Variants in LRBA observed in about 807,000 individuals in gnomAD.
LRBA encodes the protein lipopolysaccharide-responsive and beige-like anchor protein.
A neutral mutation model predicts 330.0 loss-of-function variants in LRBA; 176 were observed. The observed-to-expected ratio is 0.53, with a 90% confidence interval of 0.47 to 0.60. The LOEUF (loss-of-function observed/expected upper bound fraction) is 0.60. Ranked by LOEUF, LRBA falls within the 20% of genes least tolerant of loss-of-function variation. The pLI, the probability that LRBA is intolerant of heterozygous loss-of-function variation, is 0.00. For synonymous variants in LRBA, 1,230 were observed against 1,193.0 expected, an observed-to-expected ratio of 1.03 and a Z score of -0.64; for missense variants, 3,259 against 3,444.8, an observed-to-expected ratio of 0.95 and a Z score of 1.35.
Position 150,683,708 on chromosome 4 carries a change from C to T in LRBA, c.5764G>A (p.Ala1922Thr). The change falls in exon 37 of 57, where the codon GCC becomes ACC. Residue 1922 changes from alanine (A) to threonine (T), a missense_variant. Transcript: ENST00000651943. ...TCTCGTTTGTCTGCAGAATACTGGG[C>T]ACACAGTGACTTGGAGAGAAAAAAA... The part of the protein sequence containing the change: ...HRHAEFESLC[A>T]QYSADKREDE... The T allele has an allele frequency of 1.2e-6, 2 of 1,604,716 alleles. No individual in the cohort carries two copies. Among genetic ancestry groups the T allele is most frequent in the South Asian group, 1.1e-5 (1 of 89,222 alleles).
In LRBA at chr4:150,831,961, C is replaced by A; in HGVS notation, c.4585G>T (p.Ala1529Ser). The A allele has an allele frequency of 6.6e-7, 1 of 1,520,422 alleles. No homozygotes were observed. Among genetic ancestry groups the A allele is most frequent in the Admixed American group, 2.0e-5 (1 of 50,532 alleles). 94.2% of individuals were successfully genotyped at this position (1,520,422 alleles called of 1,614,324 possible). The change falls in exon 29 of 57, where the codon GCT becomes TCT. Residue 1529 changes from alanine (A) to serine (S), a missense_variant. Physicochemically the swap from Ala to Ser is moderately conservative, Grantham distance 99. Transcript: ENST00000651943. ...ACTACTGCCAAGGCTAAAAATTGAG[C>A]TTGTTTGCTATCCTCCTGGGAAAAA... Reference protein sequence around the residue: ...VFRDIEDSKQAQFLALAVVYF... With the variant: ...VFRDIEDSKQSQFLALAVVYF...
chr4:150,474,904 A>G (rs989755061), intron 42 of LRBA, among the ~76,000 whole-genome samples: 1 of 152,192 alleles, frequency 6.6e-6, no homozygotes, highest in Non-Finnish European at 1.5e-5. Flanking sequence ...AACATTAAGT[A>G]TGATGTACGT....
chr4:150,831,819 G>C lies in LRBA; in HGVS notation c.4727C>G (p.Ser1576Cys). The change falls in exon 29 of 57, where the codon TCT becomes TGT. Residue 1576 changes from serine to cysteine, a missense_variant and splice_region_variant. By Grantham distance (112) the Ser-to-Cys change is moderately radical. Transcript: ENST00000651943. The part of the protein sequence containing the change: ...TGSENENVSL[S>C]EITPAAFSTL... ...AGGAATAGAAAATGCAAACTTACCA[G>C]AGAGTGATACATTCTCATTTTCACT... 1 of 1,583,690 alleles carries C rather than the reference G, an allele frequency of 6.3e-7. No individual in the cohort carries two copies. Among genetic ancestry groups the C allele is most frequent in the Non-Finnish European group, 8.6e-7 (1 of 1,165,140 alleles).
chr4:151,007,629 A>G (rs1304033474), intron 2 of LRBA, among the ~76,000 whole-genome samples: 1 of 151,732 alleles, frequency 6.6e-6, no homozygotes, highest in South Asian at 2.1e-4. Context: ...AGGCCGAGAT[A>G]GGCGGATCAC....
At chr4:150,544,577 A>T (rs1765662121) in intron 40 of LRBA, among the ~76,000 whole-genome samples, 1 of 152,038 alleles carries the variant, frequency 6.6e-6, no homozygotes, top group South Asian at 2.1e-4. Context: ...CCAGATATAC[A>T]TTTCCATGCT....
intron 36 of LRBA, among the ~76,000 whole-genome samples, chr4:150,692,670 G>C (rs1268037359): frequency 2.0e-5 from 3 of 152,154 alleles, no homozygotes; most frequent in African/African-American, 4.8e-5. Context: ...CTGGGTAAGA[G>C]AGCAACATGT....
chr4:150,841,673 G>T (rs184998237), intron 28 of LRBA, among the ~76,000 whole-genome samples: 1 of 150,308 alleles, frequency 6.7e-6, no homozygotes, highest in East Asian at 2.0e-4. Flanking sequence ...TATTTTTTGA[G>T]ACAGAGTCTT....
At chr4:150,370,773 A>C (rs1403722971) in intron 47 of LRBA, among the ~76,000 whole-genome samples, 1 of 152,212 alleles carries the variant, frequency 6.6e-6, no homozygotes, top group Non-Finnish European at 1.5e-5. Flanking sequence ...GAATAGTAAG[A>C]GGTATATATG....
At chr4:150,817,823 G>A (rs1744830502) in intron 30 of LRBA, among the ~76,000 whole-genome samples, 1 of 151,862 alleles carries the variant, frequency 6.6e-6, no homozygotes, top group Admixed American at 6.6e-5. Context: ...TTCAAACACA[G>A]GTATTTATGA....
chr4:150,775,440 A>C (rs1737144438), intron 34 of LRBA, among the ~76,000 whole-genome samples: 1 of 143,116 alleles, frequency 7.0e-6, no homozygotes, highest in Admixed American at 7.5e-5. Context: ...TCTAAAAGGA[A>C]GTCTGCAATG....
intron 46 of LRBA, among the ~76,000 whole-genome samples, chr4:150,419,050 A>G (rs1050618030): frequency 3.9e-5 from 6 of 152,160 alleles, no homozygotes; most frequent in African/African-American, 1.4e-4. Context: ...GCGGGTCACT[A>G]TATGCCCATA....
chr4:150,270,297 A>G (rs1030181416), intron 56 of LRBA, among the ~76,000 whole-genome samples: 1 of 152,246 alleles, frequency 6.6e-6, no homozygotes, highest in African/African-American at 2.4e-5. Context: ...ACCATAGCCA[A>G]AAGGTAGAAA....
chr4:150,443,861 T>A (rs1337172217), intron 44 of LRBA, among the ~76,000 whole-genome samples: 8 of 57,210 alleles, frequency 1.4e-4, no homozygotes, highest in African/African-American at 3.3e-4. Context: ...AAAATATATA[T>A]ATATATATAT....
chr4:150,770,484 T>C (rs1167241857), intron 34 of LRBA, among the ~76,000 whole-genome samples: 1 of 152,008 alleles, frequency 6.6e-6, no homozygotes, highest in Admixed American at 6.6e-5. Flanking sequence ...TTAACAATAC[T>C]TAAATACTAT....
chr4:150,727,765 G>A (rs1238956651), intron 36 of LRBA, among the ~76,000 whole-genome samples: 1 of 151,538 alleles, frequency 6.6e-6, no homozygotes, highest in African/African-American at 2.4e-5. Context: ...CAAAAAAAAA[G>A]AAAATCTTCA....
intron 34 of LRBA, among the ~76,000 whole-genome samples, chr4:150,775,405 C>T (rs1737139389): frequency 6.6e-6 from 1 of 151,016 alleles, no homozygotes; most frequent in South Asian, 2.1e-4. Flanking sequence ...ATTAGTGATC[C>T]ACAAATGTTC....
chr4:150,657,897 C>T (rs1780373342), intron 37 of LRBA, among the ~76,000 whole-genome samples: 3 of 152,008 alleles, frequency 2.0e-5, no homozygotes, highest in African/African-American at 7.3e-5. Flanking sequence ...TTAGTTCTTA[C>T]ATTTAATGTT....
At position 150,373,172 on chromosome 4, in the gene LRBA, T is replaced by TGAGA. The variant is rs902421554; in HGVS notation, c.7195-23017_7195-23014dup. Among the ~76,000 whole-genome samples, 154 of 97,478 alleles carry TGAGA rather than the reference T, an allele frequency of 1.6e-3. 2 individuals are homozygous for TGAGA. Among genetic ancestry groups the TGAGA allele is most frequent in the South Asian group, 1.9e-3 (5 of 2,682 alleles). 63.9% of individuals were successfully genotyped at this position (97,478 alleles called of 152,430 possible). A position where few individuals can be genotyped will look rare whatever the true frequency, so the allele number is the denominator to read the frequency against. On this transcript the variant is annotated intron_variant, in intron 47 of 56. Coordinates refer to ENST00000651943, the MANE Select transcript of LRBA (RefSeq NM_001364905.1). ...GTGTGTGTGTGTGTGTGTGTGTGTG[T>TGAGA]GAGAGAGAGAGAGAGAGAGAGAGAG...
rs1410566940 is a variant in LRBA at position 150,746,059 on chromosome 4, G to C, written c.5646-10693C>G. 2.6e-5 allele frequency among the ~76,000 whole-genome samples: 4 copies of C among 152,242 alleles called. No individual in the cohort carries two copies. In the East Asian group the frequency reaches 5.8e-4, roughly 22 times the overall value. ...TTTTCAGAATACATCACCACCATGA[G>C]TAGTTTATGTTCCTGTCCTTACATT... On this transcript the variant is annotated intron_variant, in intron 35 of 56. Coordinates refer to ENST00000651943, the MANE Select transcript of LRBA (RefSeq NM_001364905.1).
Sources: gnomAD v4.1 joint callset for allele counts (sites outside exome capture counted in the v4.1 genomes callset) on GRCh38, gnomAD v4.1.1 for gene constraint, MANE v1.5 for transcripts, NCBI Gene and HGNC (gene_info 2026-07-23, HGNC 2026-07-21) for gene names.